The following PCBP3 variants were observed in gnomAD, a reference collection of about 807,000 sequenced individuals.
The protein encoded by PCBP3 is poly(rC) binding protein 3.
In PCBP3, 25 loss-of-function variants were observed where a neutral mutation model predicts 52.7. The observed-to-expected ratio is 0.47, with a 90% CI of 0.35 to 0.66. PCBP3 has a LOEUF of 0.66. PCBP3 is among the 30% of genes least tolerant of loss of function. PCBP3 has a pLI of 0.01. For missense variants in PCBP3, 391 were observed against 490.3 expected (o/e 0.80, Z 1.91); for synonymous variants, 162 against 183.0 (o/e 0.89, Z 0.93).
At chr21:45,763,936 T>C (rs2088988915) in intron 4 of PCBP3, among the ~76,000 whole-genome samples, 1 of 152,246 alleles carries the variant, frequency 6.6e-6, no homozygotes, top group Middle Eastern at 3.2e-3. Flanking sequence ...TTGTCTGCAT[T>C]AAACAATTAA....
At chr21:45,722,645 A>C (rs1479802406) in intron 2 of PCBP3, among the ~76,000 whole-genome samples, 1 of 152,202 alleles carries the variant, frequency 6.6e-6, no homozygotes, top group Non-Finnish European at 1.5e-5. Flanking sequence ...CAAATACTAC[A>C]GATACAGATT....
rs1272708367 is a variant in PCBP3, at chr21:45,834,978, T to G, written c.-125-14983T>G. On this transcript the variant is annotated intron_variant, in intron 4 of 17. Transcript: ENST00000681687. Reference sequence around the variant, plus strand: ...CACTCTGCGCGGTGTCCACCCGTGCTCGGGGTGGGCAGCGCCACTGAATGA... The same window carrying G: ...CACTCTGCGCGGTGTCCACCCGTGCGCGGGGTGGGCAGCGCCACTGAATGA... Among the ~76,000 whole-genome samples the G allele has an allele frequency of 3.9e-5, 6 of 152,334 alleles. No individual in the cohort carries two copies. In the East Asian group the frequency reaches 1.2e-3, roughly 29 times the overall value.
At chr21:45,875,175 A>G (rs1420439689) in intron 5 of PCBP3, among the ~76,000 whole-genome samples, 1 of 151,900 alleles carries the variant, frequency 6.6e-6, no homozygotes, top group Admixed American at 6.5e-5. Flanking sequence ...GCTCCGGCTG[A>G]CTCACCGGGG....
chr21:45,657,866 T>G (rs2080120326), intron 1 of PCBP3, among the ~76,000 whole-genome samples: 1 of 152,248 alleles, frequency 6.6e-6, no homozygotes, highest in Non-Finnish European at 1.5e-5. Flanking sequence ...TATAGATACT[T>G]TTAATTCTTT....
intron 5 of PCBP3, chr21:45,871,261 G>A (rs2095002633): frequency 6.9e-6 from 1 of 144,828 alleles, no homozygotes; most frequent in Non-Finnish European, 1.5e-5. Context: ...CCCCAGGGAA[G>A]GCCGTGCAGT....
chr21:45,886,703 C>T (rs927424215), intron 5 of PCBP3, among the ~76,000 whole-genome samples: 1 of 152,142 alleles, frequency 6.6e-6, no homozygotes, highest in Non-Finnish European at 1.5e-5. Flanking sequence ...GGTGGGAGCT[C>T]TGGGGCCCTG....
At chr21:45,695,847 G>A (rs1603277114) in intron 2 of PCBP3, among the ~76,000 whole-genome samples, 1 of 151,886 alleles carries the variant, frequency 6.6e-6, no homozygotes, top group Admixed American at 6.6e-5. Context: ...TTGGGAGGCC[G>A]AGGCAGGTGG....
intron 4 of PCBP3, among the ~76,000 whole-genome samples, chr21:45,786,230 A>G (rs1454808571): frequency 1.3e-5 from 2 of 150,924 alleles, no homozygotes; most frequent in Non-Finnish European, 3.0e-5. Context: ...TGAGCTCTGC[A>G]TAACAGGAGA....
At chr21:45,801,129 AC>A (rs894106067) in intron 4 of PCBP3, among the ~76,000 whole-genome samples, 2 of 152,140 alleles carry the variant, frequency 1.3e-5, no homozygotes, top group African/African-American at 4.8e-5. Flanking sequence ...CACCTGCAGC[AC>A]CCACAGCCTG....
intron 4 of PCBP3, among the ~76,000 whole-genome samples, chr21:45,776,387 C>T (rs1428995648): frequency 6.6e-6 from 1 of 152,060 alleles, no homozygotes; most frequent in Admixed American, 6.5e-5. Context: ...AAATCAGTCT[C>T]TGAGAGTGGG....
Position 45,777,334 on chromosome 21 carries a change from A to T in PCBP3, c.-126+21882A>T, listed in dbSNP as rs555611926. On this transcript the variant is annotated intron_variant, in intron 4 of 17. Coordinates refer to ENST00000681687, the MANE Select transcript of PCBP3 (RefSeq NM_001384156.1). ...TAGATGACTAGATGCTTTTCTCTTG[A>T]TGTTTTTAGGATTTGCTCTTTATCT... Among the ~76,000 whole-genome samples, 239 of 152,136 alleles carry T rather than the reference A, an allele frequency of 1.6e-3. 1 individual carries two copies. Among genetic ancestry groups the T allele is most frequent in the African/African-American group, 5.6e-3 (232 of 41,528 alleles).
intron 2 of PCBP3, among the ~76,000 whole-genome samples, chr21:45,726,108 A>G (rs560588490): frequency 1.5e-4 from 23 of 152,136 alleles, no homozygotes; most frequent in African/African-American, 5.3e-4. Context: ...GAGGCTGCCA[A>G]TGGGACTGGA....
chr21:45,898,821 C>G lies in PCBP3; in HGVS notation c.166-778C>G, dbSNP rs535617352. ...ACGGCCTCCCTCTCTCTCCACGGGC[C>G]CCTCTGCACGCCGTCCTCACGGCCT... On this transcript the variant is annotated intron_variant, in intron 6 of 17. Coordinates refer to ENST00000681687, the MANE Select transcript of PCBP3 (RefSeq NM_001384156.1). 1.6e-3 allele frequency among the ~76,000 whole-genome samples: 225 copies of G among 139,832 alleles called. 10 individuals are homozygous for G. The highest frequency in any genetic ancestry group is 6.2e-3 in the African/African-American group (212 of 34,020). The allele number at this position is 139,832 out of a possible 152,430, so 91.7% of individuals were successfully genotyped here. A position where few individuals can be genotyped will look rare whatever the true frequency, so the allele number is the denominator to read the frequency against.
chr21:45,935,082 G>A (rs1056051901), intron 15 of PCBP3, among the ~76,000 whole-genome samples, 171 bp from the exon 16 acceptor site: 5 of 152,242 alleles, frequency 3.3e-5, no homozygotes. Flanking sequence ...TTGGGTGGCA[G>A]TTTGGGACTG....
chr21:45,707,203 G>A (rs74702599), intron 2 of PCBP3, among the ~76,000 whole-genome samples: 3,945 of 152,212 alleles, frequency 0.026, 185 homozygotes, highest in African/African-American at 0.09. Context: ...TAGCGTGCAC[G>A]AGTCACCTGG....
intron 2 of PCBP3, among the ~76,000 whole-genome samples, chr21:45,692,416 A>G (rs2082540121): frequency 6.6e-6 from 1 of 152,138 alleles, no homozygotes; most frequent in Admixed American, 6.5e-5. Flanking sequence ...AAGAAGGCAC[A>G]AAACATGAAT....
intron 2 of PCBP3, among the ~76,000 whole-genome samples, chr21:45,693,542 A>G (rs920229225): frequency 6.6e-6 from 1 of 152,162 alleles, no homozygotes; most frequent in African/African-American, 2.4e-5. Context: ...CTTTAATAGA[A>G]TATAATTTTT....
chr21:45,929,370 G>A (rs382303), intron 13 of PCBP3, among the ~76,000 whole-genome samples: 29,888 of 152,182 alleles, frequency 0.2, 3,755 homozygotes, highest in Non-Finnish European at 0.28. Context: ...CCCCTCAGGT[G>A]TTCCCCCCAC....
chr21:45,777,007 C>G (rs1603418130), intron 4 of PCBP3, among the ~76,000 whole-genome samples: 1 of 152,170 alleles, frequency 6.6e-6, no homozygotes, highest in African/African-American at 2.4e-5. Context: ...TGCTTTACCA[C>G]TGAGTTATGT....
Sources: allele counts gnomAD v4.1 joint callset (sites outside exome capture counted in the v4.1 genomes callset), GRCh38; gene constraint gnomAD v4.1.1; transcripts MANE v1.5; gene names NCBI Gene and HGNC (gene_info 2026-07-23, HGNC 2026-07-21).